The following RHBDD1 variants were observed in gnomAD, a reference collection of about 807,000 sequenced individuals.
RHBDD1 encodes the protein rhomboid domain containing 1.
In RHBDD1, 38 loss-of-function variants were observed where a neutral mutation model predicts 36.3. That is an observed-to-expected ratio of 1.05 (90% CI 0.81 to 1.37). RHBDD1 has a LOEUF of 1.37. RHBDD1 is among the 40% of genes most tolerant of loss of function. The pLI is 0.00. For missense variants in RHBDD1, 393 were observed against 377.6 expected (o/e 1.04, Z -0.34); for synonymous variants, 151 against 136.5 (o/e 1.11, Z -0.74).
chr2:226,941,916 T>C (rs1950690326), intron 8 of RHBDD1, among the ~76,000 whole-genome samples: 1 of 152,134 alleles, frequency 6.6e-6, no homozygotes, highest in Non-Finnish European at 1.5e-5. Context: ...CCCTATAAAA[T>C]AAATATTTTA....
intron 5 of RHBDD1, among the ~76,000 whole-genome samples, chr2:226,882,454 AGAAG>A (rs1160847706): frequency 4.9e-4 from 67 of 136,448 alleles, no homozygotes; most frequent in African/African-American, 1.7e-3. Context: ...AAAAAAAAAA[AGAAG>A]AAGAAGAAGA....
chr2:226,845,973 G>C (rs1942173889), intron 3 of RHBDD1, among the ~76,000 whole-genome samples: 1 of 152,178 alleles, frequency 6.6e-6, no homozygotes, highest in Non-Finnish European at 1.5e-5. Flanking sequence ...TGTGCTGTCT[G>C]AAAGTGAAAC....
intron 8 of RHBDD1, among the ~76,000 whole-genome samples, chr2:226,982,139 T>C (rs1955914055): frequency 6.6e-6 from 1 of 152,274 alleles, no homozygotes; most frequent in Admixed American, 6.5e-5. Flanking sequence ...TCACATGTGG[T>C]AGGGTTGGGC....
At chr2:226,955,920 A>G (rs1413811364) in intron 8 of RHBDD1, among the ~76,000 whole-genome samples, 1 of 152,200 alleles carries the variant, frequency 6.6e-6, no homozygotes, top group African/African-American at 2.4e-5. Flanking sequence ...TGGGGGGGAC[A>G]TGATTTAGTC....
chr2:226,982,143 G>T (rs899670515), intron 8 of RHBDD1, among the ~76,000 whole-genome samples: 4 of 152,238 alleles, frequency 2.6e-5, no homozygotes, highest in African/African-American at 7.2e-5. Flanking sequence ...ATGTGGTAGG[G>T]TTGGGCTGGG....
At chr2:226,990,992 A>C (rs1958070001) in intron 8 of RHBDD1, among the ~76,000 whole-genome samples, 1 of 152,204 alleles carries the variant, frequency 6.6e-6, no homozygotes, top group African/African-American at 2.4e-5. Flanking sequence ...CAGCTCTGTC[A>C]GTCACCCAGA....
upstream of RHBDD1, among the ~76,000 whole-genome samples, chr2:226,833,797 C>A (rs1302736188): frequency 6.6e-6 from 1 of 152,010 alleles, no homozygotes; most frequent in Non-Finnish European, 1.5e-5. Context: ...CTGCTGATTG[C>A]TTCATATGTT....
intron 8 of RHBDD1, chr2:226,968,851 A>G (rs1390158990): frequency 6.6e-6 from 1 of 152,156 alleles, no homozygotes; most frequent in East Asian, 1.9e-4. Context: ...CTCAGCTCTC[A>G]ATTTCCTCAT....
At chr2:226,926,829 G>A (rs1279596334) in intron 8 of RHBDD1, among the ~76,000 whole-genome samples, 1 of 152,194 alleles carries the variant, frequency 6.6e-6, no homozygotes, top group African/African-American at 2.4e-5. Flanking sequence ...AACCTTTCAA[G>A]TAATGGTTTT....
intron 3 of RHBDD1, among the ~76,000 whole-genome samples, chr2:226,863,264 A>G (rs1175052381): frequency 6.6e-6 from 1 of 152,206 alleles, no homozygotes; most frequent in Admixed American, 6.5e-5. Context: ...ATTTGCACCC[A>G]GGAGGTGGAG....
chr2:226,980,573 C>A (rs552795191), intron 8 of RHBDD1, among the ~76,000 whole-genome samples: 1 of 152,302 alleles, frequency 6.6e-6, no homozygotes, highest in East Asian at 1.9e-4. Flanking sequence ...TTTATGATGT[C>A]ATCCTGGATG....
rs772961587 is a variant in RHBDD1, at chr2:226,864,697, C to T, written c.4C>T (p.Gln2Ter). The change falls in exon 4 of 9, where the codon CAA (glutamine) becomes TAA (stop). Residue 2 changes from glutamine (Q) to a stop codon, truncating the protein, a stop_gained. Transcript: ENST00000392062. LOFTEE classifies it high-confidence loss of function. ...GCTGTTTCCCTGATATCTGGCCATG[C>T]AACGGAGATCAAGAGGGATAAATAC... is the stretch of plus-strand genomic sequence containing the variant. M[Q>*]RRSRGINTGL... The T allele has an allele frequency of 4.3e-6, 7 of 1,612,248 alleles. No homozygotes were observed. The highest frequency in any genetic ancestry group is 5.9e-6 in the Non-Finnish European group (7 of 1,178,910).
upstream of RHBDD1, among the ~76,000 whole-genome samples, chr2:226,834,322 T>A (rs1940815639): frequency 6.6e-6 from 1 of 152,196 alleles, no homozygotes; most frequent in Non-Finnish European, 1.5e-5. Context: ...TCTAGGGAAA[T>A]ACAGAAAATA....
chr2:226,828,710 A>G, the RHBDD1 span, among the ~76,000 whole-genome samples: 1 of 151,984 alleles, frequency 6.6e-6, no homozygotes, highest in African/African-American at 2.4e-5. Context: ...ATCTTCTTTG[A>G]TGAAGAATAT....
chr2:226,841,224 C>CT (rs749872687), intron 3 of RHBDD1, among the ~76,000 whole-genome samples: 7 of 152,202 alleles, frequency 4.6e-5, no homozygotes, highest in Non-Finnish European at 1.0e-4. Flanking sequence ...CCGGGACCTC[C>CT]TGGGCTCAGT....
At chr2:226,808,525 C>T in the RHBDD1 span, 1 of 152,230 alleles carries the variant, frequency 6.6e-6, no homozygotes, top group African/African-American at 2.4e-5. Context: ...ATTGTTCACT[C>T]ATGTGTCTGG....
chr2:226,850,922 G>A (rs750531992), intron 3 of RHBDD1, among the ~76,000 whole-genome samples: 2 of 152,022 alleles, frequency 1.3e-5, no homozygotes, highest in South Asian at 2.1e-4. Flanking sequence ...ACTCTATTAC[G>A]TGTGTTTTTC....
At chr2:226,962,853 TGG>T (rs1433833005) in intron 8 of RHBDD1, among the ~76,000 whole-genome samples, 1 of 152,200 alleles carries the variant, frequency 6.6e-6, no homozygotes, top group Non-Finnish European at 1.5e-5. Flanking sequence ...AATTTGAAGA[TGG>T]TTGGTTACTT....
intron 8 of RHBDD1, among the ~76,000 whole-genome samples, chr2:226,922,933 C>T (rs1198557637): frequency 6.6e-6 from 1 of 152,088 alleles, no homozygotes; most frequent in African/African-American, 2.4e-5. Flanking sequence ...CTTTGTCCCC[C>T]TGGTTTTTAG....
Sources: gnomAD v4.1 joint callset for allele counts (sites outside exome capture counted in the v4.1 genomes callset) on GRCh38, gnomAD v4.1.1 for gene constraint, MANE v1.5 for transcripts, NCBI Gene and HGNC (gene_info 2026-07-23, HGNC 2026-07-21) for gene names.